The following HIF3A variants were observed in gnomAD, a reference collection of about 807,000 sequenced individuals.
HIF3A encodes hypoxia inducible factor 3 subunit alpha, also known as hypoxia-inducible factor 3-alpha.
Under a neutral mutation model 67.2 loss-of-function variants are expected in HIF3A, and 41 were observed. The observed-to-expected ratio is 0.61, with a 90% confidence interval of 0.48 to 0.79. The LOEUF (loss-of-function observed/expected upper bound fraction) is 0.79, where lower values mean the gene tolerates loss of function less well. Among genes scored for constraint, HIF3A ranks in the 30% least tolerant of loss-of-function variants. The pLI is 0.00. For synonymous variants in HIF3A, 356 were observed against 374.8 expected, an observed-to-expected ratio of 0.95 and a Z score of 0.58; for missense variants, 855 against 898.0, an observed-to-expected ratio of 0.95 and a Z score of 0.61.
chr19:46,337,707 G>A (rs988939922), intron 14 of HIF3A, among the ~76,000 whole-genome samples: 46 of 152,286 alleles, frequency 3.0e-4, no homozygotes, highest in African/African-American at 1.1e-3. Flanking sequence ...TGCATATCCT[G>A]ATCCTTCTGC....
chr19:46,333,261 TGAG>T (rs1971368187), intron 13 of HIF3A, among the ~76,000 whole-genome samples: 1 of 151,998 alleles, frequency 6.6e-6, no homozygotes, highest in Non-Finnish European at 1.5e-5. Context: ...GAGGGAGTGT[TGAG>T]GAGAATTTAA....
At chr19:46,322,036 C>A in intron 10 of HIF3A, 70 bp downstream of exon 10, 1 of 1,483,948 alleles carries the variant, frequency 6.7e-7, no homozygotes, top group Non-Finnish European at 9.2e-7. Flanking sequence ...TGGCCTGTGA[C>A]TTAAACCTGA....
Position 46,309,147 on chromosome 19 carries a change from C to T in HIF3A, c.562-4C>T, listed in dbSNP as rs748729983. ...CTGCCTTGTCCCCTCATCTCGGCCC[C>T]CAGGTGCTGAACTGCTCTGGACATA... is the stretch of plus-strand genomic sequence containing the variant. On this transcript the variant is annotated splice_region_variant and splice_polypyrimidine_tract_variant and intron_variant, in intron 5 of 14. Coordinates refer to ENST00000377670, the MANE Select transcript of HIF3A (RefSeq NM_152795.4). The T allele has an allele frequency of 4.9e-5, 79 of 1,610,352 alleles. 3 individuals carry two copies. The South Asian group carries it at 7.3e-4, about 15-fold the overall frequency.
At chr19:46,321,714 G>A (rs1970376803) in intron 9 of HIF3A, 62 bp from the exon 10 acceptor site, 5 of 1,447,160 alleles carry the variant, frequency 3.5e-6, no homozygotes, top group Non-Finnish European at 4.8e-6. Flanking sequence ...TGGTATGGAG[G>A]GCTCTGGCCC....
At chr19:46,338,233 A>C (rs1051346612) in intron 14 of HIF3A, 8 of 453,982 alleles carry the variant, frequency 1.8e-5, no homozygotes, top group Non-Finnish European at 3.5e-5. Context: ...ATAGGTTTTC[A>C]CTTTGTCACC....
chr19:46,303,656 G>A, intron 1 of HIF3A: 2 of 1,585,720 alleles, frequency 1.3e-6, no homozygotes, highest in Non-Finnish European at 1.7e-6. Flanking sequence ...GGAGCGAGGC[G>A]CCAGAGGCAC....
In HIF3A at chr19:46,321,904, G is replaced by T. The variant is rs745855904; in HGVS notation, c.1273G>T (p.Ala425Ser). Residue 425 changes from alanine to serine, a missense_variant, in exon 10 of 15, where the codon GCT becomes TCT. By Grantham distance (99) the Ala-to-Ser change is moderately conservative. Around this residue, in one of 3 missense-constraint regions of HIF3A, gnomAD observed 638 missense variants for 660.5 expected, o/e 0.97. Transcript: ENST00000377670. The stretch of plus-strand genomic sequence containing the variant: ...CCTCCTGGGACCCATCCTGGATGGG[G>T]CTTCAGTAGCAGCCACTCCCAGCAC... ...RRLLGPILDG[A>S]SVAATPSTPL... 7 of 1,613,818 alleles carry T rather than the reference G, an allele frequency of 4.3e-6. No homozygotes were observed. In the South Asian group the frequency reaches 5.5e-5, roughly 13 times the overall value.
Position 46,331,226 on chromosome 19 carries a change from T to C in HIF3A, c.1783T>C (p.Ser595Pro). 1 of 1,613,754 alleles carries C rather than the reference T, an allele frequency of 6.2e-7. No individual in the cohort carries two copies. The highest frequency in any genetic ancestry group is 8.5e-7 in the Non-Finnish European group (1 of 1,179,896). The change falls in exon 13 of 15, where the codon TCC becomes CCC. Residue 595 changes from serine to proline, a missense_variant. Transcript: ENST00000377670. ...GCTGGGAGTGAGACCTCCCAAAAGG[T>C]CCCCCAGCCCAGAACACGAAAACTT... ...ELLGVRPPKRSPSPEHENFLL... is the reference protein window; with the variant it reads ...ELLGVRPPKRPPSPEHENFLL...
At chr19:46,331,855 CA>C (rs532285027) in intron 13 of HIF3A, among the ~76,000 whole-genome samples, 221 of 51,278 alleles carry the variant, frequency 4.3e-3, no homozygotes, top group East Asian at 8.6e-3. Flanking sequence ...AACTCCGTCT[CA>C]AAAAAAAAAA....
intron 8 of HIF3A, 69 bp from the exon 9 acceptor site, chr19:46,320,374 A>G: frequency 7.9e-7 from 1 of 1,261,858 alleles, no homozygotes. Flanking sequence ...ACATCACCTG[A>G]ACAGGCTTTC....
rs199670096 is a variant in HIF3A at position 46,321,878 on chromosome 19, G to A, written c.1247G>A (p.Arg416His). The A allele has an allele frequency of 5.4e-4, 871 of 1,613,774 alleles. 2 individuals are homozygous for A. The highest frequency in any genetic ancestry group is 6.7e-4 in the Non-Finnish European group (793 of 1,180,016). Residue 416 changes from arginine (R) to histidine (H), a missense_variant, in exon 10 of 15, where the codon CGC becomes CAC. Coordinates refer to ENST00000377670, the MANE Select transcript of HIF3A (RefSeq NM_152795.4). ...PRRFCSPDLR[R>H]LLGPILDGAS... ...CGTTTCTGCAGCCCTGACCTCCGTC[G>A]CCTCCTGGGACCCATCCTGGATGGG...
At chr19:46,299,113 G>A (rs1968110565) in intron 1 of HIF3A, among the ~76,000 whole-genome samples, 1 of 152,260 alleles carries the variant, frequency 6.6e-6, no homozygotes. Context: ...CCCACCCCCT[G>A]TTCTTGGCTG....
Position 46,343,089 on chromosome 19 carries a change from C to T in HIF3A, c.*3467C>T, listed in dbSNP as rs148845866. On this transcript the variant is annotated 3_prime_UTR_variant, in exon 15 of 15. Transcript: ENST00000377670. ...CCAGGTGGGGAGAGAAGCCAGGACC[C>T]CTCAGCTGTCTGCCACCATCTATGT... 4 of 152,930 alleles carry T rather than the reference C, an allele frequency of 2.6e-5. No individual in the cohort carries two copies. Among genetic ancestry groups the T allele is most frequent in the East Asian group, 1.9e-4 (1 of 5,180 alleles). 9.5% of individuals were successfully genotyped at this position (152,930 alleles called of 1,614,324 possible).
intron 14 of HIF3A, among the ~76,000 whole-genome samples, chr19:46,336,407 C>T (rs1181814099): frequency 6.6e-6 from 1 of 151,944 alleles, no homozygotes; most frequent in Non-Finnish European, 1.5e-5. Flanking sequence ...CGCTCTGTCA[C>T]TCAGGCTGGA....
chr19:46,306,516 G>A (rs192305596), intron 3 of HIF3A: 1 of 152,336 alleles, frequency 6.6e-6, no homozygotes, highest in Non-Finnish European at 1.5e-5. Flanking sequence ...CTTGTGCAGA[G>A]GCCATGCTAA....
At chr19:46,316,080 A>G (rs139808289) in intron 8 of HIF3A, among the ~76,000 whole-genome samples, 16 of 151,682 alleles carry the variant, frequency 1.1e-4, no homozygotes, top group African/African-American at 3.4e-4. Context: ...AAAATACAAA[A>G]ATTAGCTTGG....
chr19:46,300,182 T>C lies in HIF3A; in HGVS notation c.26+3080T>C, dbSNP rs150787654. On this transcript the variant is annotated intron_variant, in intron 1 of 14. Transcript: ENST00000377670. ...CCGTGAGTGTTCAACACACCAATGC[T>C]ATCATTATTACAGTATCACTGTTAT... Among the ~76,000 whole-genome samples, 520 of 152,314 alleles carry C rather than the reference T, an allele frequency of 3.4e-3. 9 individuals are homozygous for C. Among genetic ancestry groups the C allele is most frequent in the African/African-American group, 0.012 (503 of 41,568 alleles).
intron 8 of HIF3A, chr19:46,313,153 A>G: frequency 1.9e-6 from 1 of 536,596 alleles, no homozygotes; most frequent in Non-Finnish European, 2.4e-6. Flanking sequence ...CGGGAGGCTG[A>G]GGCACGAGAA....
chr19:46,332,230 G>A (rs1195791994), intron 13 of HIF3A, among the ~76,000 whole-genome samples: 1 of 152,062 alleles, frequency 6.6e-6, no homozygotes, highest in Non-Finnish European at 1.5e-5. Flanking sequence ...GACCATAAAT[G>A]GTGTACAAAA....
Sources: allele counts gnomAD v4.1 joint callset (sites outside exome capture counted in the v4.1 genomes callset), GRCh38; gene constraint gnomAD v4.1.1; regional missense constraint gnomAD v4.1.1; transcripts MANE v1.5; gene names NCBI Gene and HGNC (gene_info 2026-07-23, HGNC 2026-07-21).